The following R3HDM2 variants were observed in gnomAD, a reference collection of about 807,000 sequenced individuals.
R3HDM2 encodes R3H domain-containing protein 2.
Under a neutral mutation model 124.5 loss-of-function variants are expected in R3HDM2, and 38 were observed. The observed-to-expected ratio is 0.31, with a 90% CI of 0.24 to 0.40. The LOEUF is 0.40. Among genes scored for constraint, R3HDM2 ranks in the 10% least tolerant of loss-of-function variants. R3HDM2 has a pLI of 1.00. For synonymous variants in R3HDM2, 391 were observed against 448.0 expected, an observed-to-expected ratio of 0.87 and a Z score of 1.61; for missense variants, 869 against 1,236.9, an observed-to-expected ratio of 0.70 and a Z score of 4.46.
At chr12:57,310,133 G>T in intron 3 of R3HDM2, 131 bp downstream of exon 3, 1 of 555,982 alleles carries the variant, frequency 1.8e-6, no homozygotes, top group Non-Finnish European at 3.0e-6. Context: ...ATCTCTTGAT[G>T]CAGGAGTTTG....
At chr12:57,323,156 G>C (rs2056732785) in intron 2 of R3HDM2, among the ~76,000 whole-genome samples, 1 of 152,154 alleles carries the variant, frequency 6.6e-6, no homozygotes, top group African/African-American at 2.4e-5. Flanking sequence ...TTCAAATCCA[G>C]GTCTACTTGG....
intron 11 of R3HDM2, among the ~76,000 whole-genome samples, chr12:57,290,800 C>T (rs961978076): frequency 5.9e-5 from 9 of 151,988 alleles, no homozygotes; most frequent in African/African-American, 2.2e-4. Context: ...TTAGTAGAGA[C>T]GGGGTTTCTC....
At chr12:57,295,725 A>G in intron 9 of R3HDM2, 1 of 500,944 alleles carries the variant, frequency 2.0e-6, no homozygotes, top group East Asian at 3.4e-5. Context: ...TATCTGTCCT[A>G]TCAGTGAAGT....
At chr12:57,340,804 T>C (rs1053048004) in intron 2 of R3HDM2, among the ~76,000 whole-genome samples, 3 of 152,174 alleles carry the variant, frequency 2.0e-5, no homozygotes, top group East Asian at 1.9e-4. Flanking sequence ...TCTAGTTTAC[T>C]GAGTTTTTCA....
intron 2 of R3HDM2, among the ~76,000 whole-genome samples, chr12:57,356,945 A>C (rs1318187839): frequency 6.6e-6 from 1 of 151,558 alleles, no homozygotes; most frequent in African/African-American, 2.4e-5. Flanking sequence ...ACCTCTACTA[A>C]AAACACAAAA....
chr12:57,426,109 T>C (rs955126804), intron 1 of R3HDM2, among the ~76,000 whole-genome samples: 1 of 152,008 alleles, frequency 6.6e-6, no homozygotes, highest in Non-Finnish European at 1.5e-5. Flanking sequence ...ATGCCTGTAA[T>C]CCCAGCTACT....
chr12:57,280,337 T>C (rs751386685), intron 14 of R3HDM2, 21 bp downstream of exon 14: 1 of 1,606,672 alleles, frequency 6.2e-7, no homozygotes, highest in South Asian at 1.1e-5. Context: ...GAGAGGACTC[T>C]GACACTGAGT....
intron 2 of R3HDM2, 92 bp downstream of exon 2, chr12:57,395,657 A>G: frequency 2.3e-6 from 1 of 439,446 alleles, no homozygotes; most frequent in Non-Finnish European, 3.0e-6. Context: ...TTCCAACACC[A>G]TGGAGTTGTG....
At chr12:57,264,795 C>A (rs2041908736) in intron 19 of R3HDM2, among the ~76,000 whole-genome samples, 1 of 152,108 alleles carries the variant, frequency 6.6e-6, no homozygotes, top group Admixed American at 6.5e-5. Flanking sequence ...TGCCACCATG[C>A]CCAACTAATT....
At chr12:57,295,853 C>A (rs2049697040) in intron 9 of R3HDM2, among the ~76,000 whole-genome samples, 3 of 152,202 alleles carry the variant, frequency 2.0e-5, no homozygotes, top group South Asian at 4.1e-4. Context: ...CCCTTCCCTG[C>A]AAAATACTTA....
At chr12:57,420,973 T>C (rs891641444) in intron 1 of R3HDM2, among the ~76,000 whole-genome samples, 2 of 152,026 alleles carry the variant, frequency 1.3e-5, no homozygotes, top group Admixed American at 6.6e-5. Context: ...CATCTCATCT[T>C]TTGTTCCCAA....
intron 2 of R3HDM2, among the ~76,000 whole-genome samples, chr12:57,314,838 AT>A (rs1337829619): frequency 6.6e-6 from 1 of 152,122 alleles, no homozygotes; most frequent in African/African-American, 2.4e-5. Flanking sequence ...AAAAGGTGAT[AT>A]AAAAAATTAT....
At chr12:57,300,244 T>G in intron 4 of R3HDM2, 63 bp from the exon 5 acceptor site, 4 of 1,369,362 alleles carry the variant, frequency 2.9e-6, no homozygotes, top group Non-Finnish European at 4.1e-6. Context: ...CTTCCCTCGG[T>G]GAACATTCAG....
intron 1 of R3HDM2, among the ~76,000 whole-genome samples, chr12:57,419,858 C>G (rs1161633675): frequency 6.6e-6 from 1 of 151,942 alleles, no homozygotes; most frequent in African/African-American, 2.4e-5. Flanking sequence ...CATACAAGTA[C>G]CCTCAGCAGC....
intron 6 of R3HDM2, among the ~76,000 whole-genome samples, chr12:57,298,994 A>G (rs1181451864): frequency 6.6e-6 from 1 of 152,102 alleles, no homozygotes; most frequent in Non-Finnish European, 1.5e-5. Flanking sequence ...AAAATAAATA[A>G]ATAAATATCA....
At chr12:57,352,054 A>G (rs1015347677) in intron 2 of R3HDM2, among the ~76,000 whole-genome samples, 5 of 152,194 alleles carry the variant, frequency 3.3e-5, no homozygotes, top group African/African-American at 9.7e-5. Context: ...AATGAAGATC[A>G]ATGTACTAAA....
At chr12:57,307,266 G>A (rs529559542) in intron 3 of R3HDM2, among the ~76,000 whole-genome samples, 1 of 151,998 alleles carries the variant, frequency 6.6e-6, no homozygotes, top group South Asian at 2.1e-4. Context: ...AGACTTCTAG[G>A]GTATAAAACC....
intron 2 of R3HDM2, among the ~76,000 whole-genome samples, chr12:57,334,855 TGGCCA>T (rs1247383664): frequency 6.6e-6 from 1 of 151,888 alleles, no homozygotes; most frequent in Non-Finnish European, 1.5e-5. Context: ...TTAGGACTGC[TGGCCA>T]GGTGTCGTGG....
At chr12:57,359,796 A>G (rs1481432820) in intron 2 of R3HDM2, among the ~76,000 whole-genome samples, 1 of 151,738 alleles carries the variant, frequency 6.6e-6, no homozygotes, top group Non-Finnish European at 1.5e-5. Flanking sequence ...ATTCAATTTT[A>G]TCTCCTTTAT....
Sources: allele counts gnomAD v4.1 joint callset (sites outside exome capture counted in the v4.1 genomes callset), GRCh38; gene constraint gnomAD v4.1.1; transcripts MANE v1.5; gene names NCBI Gene and HGNC (gene_info 2026-07-23, HGNC 2026-07-21).